The following CHL1 variants were observed in gnomAD, a reference collection of about 807,000 sequenced individuals.
CHL1 encodes neural cell adhesion molecule L1-like protein.
CHL1 carries 96 observed loss-of-function variants against 141.9 expected under a neutral mutation model. The observed-to-expected ratio is 0.68, with a 90% CI of 0.57 to 0.80. The LOEUF is 0.80. CHL1 is among the 30% of genes least tolerant of loss of function. The probability of loss-of-function intolerance (pLI) is 0.00; values close to 1 mark genes in which losing one functional copy is unlikely to be tolerated. For missense variants in CHL1, 1,820 were observed against 1,457.2 expected (o/e 1.25, Z -4.05); for synonymous variants, 613 against 502.2 (o/e 1.22, Z -2.95).
chr3:344,995 A>G (rs1199819572), intron 9 of CHL1, among the ~76,000 whole-genome samples: 1 of 152,116 alleles, frequency 6.6e-6, no homozygotes, highest in East Asian at 1.9e-4. Flanking sequence ...TCTAAAATAA[A>G]ATGAAATTAA....
chr3:344,517 A>C, intron 8 of CHL1, 72 bp from the exon 9 acceptor site: 1 of 1,177,372 alleles, frequency 8.5e-7, no homozygotes, highest in Admixed American at 2.1e-5. Flanking sequence ...TTGTTTTAAG[A>C]AAGATGTGGT....
At chr3:344,078 G>A (rs1037415668) in intron 8 of CHL1, among the ~76,000 whole-genome samples, 1 of 152,178 alleles carries the variant, frequency 6.6e-6, no homozygotes, top group Non-Finnish European at 1.5e-5. Context: ...AAGGAGCTGA[G>A]ACTACAGGTA....
At position 361,698 on chromosome 3, in the gene CHL1, G is replaced by A; in HGVS notation, c.1307-1G>A. On this transcript the variant is annotated splice_acceptor_variant, in intron 12 of 27. Coordinates refer to ENST00000256509, the MANE Select transcript of CHL1 (RefSeq NM_006614.4). LOFTEE classifies it high-confidence loss of function. ...ACTGCGTTTATGTTATTTTCAAATA[G>A]ATGTCCGTCCATTGATACAAACCAA... The A allele has an allele frequency of 6.2e-7, 1 of 1,600,822 alleles. No homozygotes were observed. Among genetic ancestry groups the A allele is most frequent in the Middle Eastern group, 1.7e-4 (1 of 6,016 alleles).
Position 354,629 on chromosome 3 carries a change from T to TTTAC in CHL1, c.1034-10_1034-7dup. On this transcript the variant is annotated splice_polypyrimidine_tract_variant and intron_variant, in intron 10 of 27. Transcript: ENST00000256509. ...ATAACATCTCTCATGAGCTCTTCAC[T>TTTAC]TTACATCCAGAGCCTCCTCGCTGGA... 6.2e-7 allele frequency: 1 copy of TTTAC among 1,607,656 alleles called. No homozygotes were observed. The highest frequency in any genetic ancestry group is 2.2e-5 in the East Asian group (1 of 44,802).
At chr3:198,260 C>G (rs1204716298) in intron 1 of CHL1, among the ~76,000 whole-genome samples, 2 of 152,018 alleles carry the variant, frequency 1.3e-5, no homozygotes, top group Non-Finnish European at 2.9e-5. Flanking sequence ...AGCCCCTCCT[C>G]GAAGGGCGCC....
chr3:360,248 T>C, intron 11 of CHL1, 36 bp from the exon 12 acceptor site: 1 of 1,609,896 alleles, frequency 6.2e-7, no homozygotes, highest in Non-Finnish European at 8.5e-7. Context: ...TTATGTCCTG[T>C]TCCTTATCAA....
chr3:302,169 C>T (rs1451591254), intron 2 of CHL1, among the ~76,000 whole-genome samples: 1 of 152,160 alleles, frequency 6.6e-6, no homozygotes, highest in East Asian at 1.9e-4. Context: ...TGGGTTGGTT[C>T]CAAGTCTTTG....
intron 27 of CHL1, among the ~76,000 whole-genome samples, chr3:402,666 T>C (rs972077132): frequency 4.6e-5 from 7 of 152,206 alleles, no homozygotes; most frequent in Admixed American, 3.9e-4. Flanking sequence ...GGTAGACATT[T>C]GGGCTTACCT....
intron 3 of CHL1, among the ~76,000 whole-genome samples, chr3:322,631 A>T (rs1700660969): frequency 8.8e-6 from 1 of 113,036 alleles, no homozygotes; most frequent in Non-Finnish European, 1.7e-5. Flanking sequence ...TCTCTAAATT[A>T]TATATATATA....
Position 360,322 on chromosome 3 carries a change from A to G in CHL1, c.1204A>G (p.Ile402Val), listed in dbSNP as rs1416595640. 1.9e-6 allele frequency: 3 copies of G among 1,613,850 alleles called. No homozygotes were observed. The highest frequency in any genetic ancestry group is 2.2e-5 in the East Asian group (1 of 44,858). Residue 402 changes from isoleucine (I) to valine (V), a missense_variant, in exon 12 of 28, where the codon ATC becomes GTC. Transcript: ENST00000256509. ...TGGTGATGTTGTCTTCCCCAGGGAA[A>G]TCAGTTTTACCAACCTTCAACCAAA... ...FAGDVVFPRE[I>V]SFTNLQPNHT...
chr3:397,861 G>A (rs1297866997), intron 24 of CHL1, among the ~76,000 whole-genome samples: 1 of 152,022 alleles, frequency 6.6e-6, no homozygotes, highest in African/African-American at 2.4e-5. Flanking sequence ...AAGGTTATGT[G>A]CTGTCAATTA....
At position 370,537 on chromosome 3, in the gene CHL1, C is replaced by CAAA. The variant is rs142286746; in HGVS notation, c.1751+4432_1751+4434dup. 1.8e-3 allele frequency among the ~76,000 whole-genome samples: 257 copies of CAAA among 144,876 alleles called. 3 individuals are homozygous for CAAA. The highest frequency in any genetic ancestry group is 5.7e-3 in the African/African-American group (227 of 39,766). ...CATCTATCTATTTTGTTAATTTTTTCAAAAAAAAAAAACCAGCTCCTGGAT... is the reference window on the plus strand; with the variant it reads ...CATCTATCTATTTTGTTAATTTTTTCAAAAAAAAAAAAAAACCAGCTCCTGGAT... On this transcript the variant is annotated intron_variant, in intron 15 of 27. Transcript: ENST00000256509.
At chr3:197,697 G>A (rs1354968359) in intron 1 of CHL1, 4 of 425,748 alleles carry the variant, frequency 9.4e-6, no homozygotes, top group South Asian at 1.6e-5. Context: ...TTGTGGGGTT[G>A]GGGAGCACGA....
intron 1 of CHL1, among the ~76,000 whole-genome samples, chr3:236,965 T>C (rs1692047430): frequency 6.6e-6 from 1 of 152,092 alleles, no homozygotes; most frequent in South Asian, 2.1e-4. Context: ...CCCAGTTAGT[T>C]AGGAAACACG....
intron 1 of CHL1, among the ~76,000 whole-genome samples, chr3:226,037 T>C (rs1391876829): frequency 6.6e-6 from 1 of 151,786 alleles, no homozygotes; most frequent in East Asian, 1.9e-4. Context: ...ATCTTAACTT[T>C]TTTTGAGAGA....
chr3:237,369 T>C (rs2125070796), intron 1 of CHL1, among the ~76,000 whole-genome samples: 1 of 152,340 alleles, frequency 6.6e-6, no homozygotes, highest in South Asian at 2.1e-4. Context: ...CATGCAGAAC[T>C]GTGAGTCAAT....
intron 18 of CHL1, 22 bp from the exon 19 acceptor site, chr3:383,794 G>C (rs374355059): frequency 2.0e-5 from 32 of 1,581,532 alleles, no homozygotes; most frequent in Middle Eastern, 4.1e-4. Flanking sequence ...GAAAAATAAT[G>C]TTAATGTTTT....
rs1290019852 is a variant in CHL1 at position 382,489 on chromosome 3, T to C, written c.1994T>C (p.Phe665Ser). The change falls in exon 18 of 28, where the codon TTT (phenylalanine) becomes TCT (serine). Residue 665 changes from phenylalanine to serine, a missense_variant. Transcript: ENST00000256509. Reference protein sequence around the residue: ...NSNISEYIVEFEGNKEEPGRW... With the variant: ...NSNISEYIVESEGNKEEPGRW... ...ATACTACCAGAGTATATTGTTGAAT[T>C]TGAAGGAAACAAAGAAGAGCCTGGA... 6.2e-7 allele frequency: 1 copy of C among 1,613,726 alleles called. No individual in the cohort carries two copies. The highest frequency in any genetic ancestry group is 8.5e-7 in the Non-Finnish European group (1 of 1,179,632).
chr3:277,241 A>T (rs1220965963), intron 2 of CHL1, among the ~76,000 whole-genome samples: 1 of 152,184 alleles, frequency 6.6e-6, no homozygotes, highest in East Asian at 1.9e-4. Context: ...AAAGGATATT[A>T]TTTGATAAAG....
Sources: allele counts gnomAD v4.1 joint callset (sites outside exome capture counted in the v4.1 genomes callset), GRCh38; gene constraint gnomAD v4.1.1; transcripts MANE v1.5; gene names NCBI Gene and HGNC (gene_info 2026-07-23, HGNC 2026-07-21).